ASCC1: variants seen among roughly 807,000 people sequenced by gnomAD.
ASCC1 encodes the protein activating signal cointegrator 1 complex subunit 1.
Under a neutral mutation model 46.6 loss-of-function variants are expected in ASCC1, and 35 were observed. The ratio of observed to expected loss-of-function variants is 0.75; its 90% CI spans 0.57 to 0.99. The LOEUF (loss-of-function observed/expected upper bound fraction) is 0.99, where lower values mean the gene tolerates loss of function less well. Ranked by LOEUF, ASCC1 falls within the 50% of genes least tolerant of loss-of-function variation. The probability of loss-of-function intolerance (pLI) is 0.00; values close to 1 mark genes in which losing one functional copy is unlikely to be tolerated. For synonymous variants in ASCC1, 143 were observed against 146.6 expected, an observed-to-expected ratio of 0.98 and a Z score of 0.18; for missense variants, 376 against 428.7, an observed-to-expected ratio of 0.88 and a Z score of 1.09.
rs117447124 is a variant in ASCC1 at position 72,142,222 on chromosome 10, C to T, written c.747-9041G>A. 6.0e-3 allele frequency among the ~76,000 whole-genome samples: 919 copies of T among 152,118 alleles called. 4 individuals carry two copies. The highest frequency in any genetic ancestry group is 9.9e-3 in the Non-Finnish European group (670 of 67,984). ...ACTTAGCTATTATTTTTTAATTTGA[C>T]CCATTTAGTAGGATATTATTAGATT... On this transcript the variant is annotated intron_variant, in intron 7 of 9. Transcript: ENST00000672957.
chr10:72,145,557 CT>C (rs1847528268), intron 7 of ASCC1, among the ~76,000 whole-genome samples: 1 of 152,204 alleles, frequency 6.6e-6, no homozygotes, highest in Admixed American at 6.5e-5. Flanking sequence ...AGAAGCTTTC[CT>C]TGAGGCTTTT....
At chr10:72,171,312 T>C (rs182875879) in intron 5 of ASCC1, among the ~76,000 whole-genome samples, 18 of 152,266 alleles carry the variant, frequency 1.2e-4, no homozygotes, top group Middle Eastern at 3.4e-3. Context: ...GGCAAATCAC[T>C]TCCTTGAGCT....
intron 9 of ASCC1, among the ~76,000 whole-genome samples, chr10:72,125,944 A>C (rs1317345986): frequency 6.6e-6 from 1 of 152,176 alleles, no homozygotes; most frequent in Non-Finnish European, 1.5e-5. Flanking sequence ...TATAGTCAAT[A>C]AGTATTTCTG....
chr10:72,140,028 T>C (rs978885298), intron 7 of ASCC1, among the ~76,000 whole-genome samples: 11 of 152,184 alleles, frequency 7.2e-5, no homozygotes, highest in African/African-American at 1.9e-4. Flanking sequence ...CCAGTATAGG[T>C]TGCAAGGAGG....
In ASCC1 at chr10:72,152,968, G is replaced by A. The variant is rs752805913; in HGVS notation, c.647C>T (p.Pro216Leu). 35 of 1,613,884 alleles carry A rather than the reference G, an allele frequency of 2.2e-5. No individual in the cohort carries two copies. Among genetic ancestry groups the A allele is most frequent in the Non-Finnish European group, 2.8e-5 (33 of 1,179,986 alleles). ...TATCCCTGCCATCTCCACTTCTAGGGGTTTACCCCCAGAAATATCACTGCA... is the reference window on the plus strand; with the variant it reads ...TATCCCTGCCATCTCCACTTCTAGGAGTTTACCCCCAGAAATATCACTGCA... ...EFINDISGGKPLEVEMAGIEY... is the reference protein window; with the variant it reads ...EFINDISGGKLLEVEMAGIEY... Residue 216 changes from proline (P) to leucine (L), a missense_variant, in exon 7 of 10, where the codon CCC becomes CTC. Coordinates refer to ENST00000672957, the MANE Select transcript of ASCC1 (RefSeq NM_001198800.3).
intron 9 of ASCC1, among the ~76,000 whole-genome samples, chr10:72,105,621 A>C (rs1009388155): frequency 6.6e-6 from 1 of 152,214 alleles, no homozygotes; most frequent in Non-Finnish European, 1.5e-5. Context: ...ATGGCAAGAT[A>C]AAATCCAACC....
At chr10:72,197,708 C>T (rs1347581222) in intron 4 of ASCC1, among the ~76,000 whole-genome samples, 2 of 151,600 alleles carry the variant, frequency 1.3e-5, no homozygotes, top group Non-Finnish European at 2.9e-5. Flanking sequence ...GAGTTCAAGA[C>T]CAGCCTGGCC....
intron 8 of ASCC1, among the ~76,000 whole-genome samples, chr10:72,129,649 T>C (rs916065776): frequency 2.0e-5 from 3 of 146,872 alleles, no homozygotes; most frequent in Non-Finnish European, 3.0e-5. Context: ...CTACTAAAAA[T>C]GCAAAAATTA....
chr10:72,215,996 C>A (rs1859179672), intron 1 of ASCC1: 1 of 152,344 alleles, frequency 6.6e-6, no homozygotes, highest in Non-Finnish European at 1.5e-5. Flanking sequence ...ACGCCCACCA[C>A]GGCACGGGCG....
At chr10:72,155,948 G>A (rs1196599281) in intron 6 of ASCC1, among the ~76,000 whole-genome samples, 1 of 152,244 alleles carries the variant, frequency 6.6e-6, no homozygotes, top group Non-Finnish European at 1.5e-5. Flanking sequence ...TTAAATGGAT[G>A]TTTTAAGGGG....
At chr10:72,162,558 C>T (rs111844577) in intron 5 of ASCC1, among the ~76,000 whole-genome samples, 7,615 of 152,210 alleles carry the variant, frequency 0.05, 664 homozygotes, top group African/African-American at 0.17. Flanking sequence ...TAACCTCAAA[C>T]TCCTGGGCTC....
At chr10:72,144,123 C>A (rs542745924) in intron 7 of ASCC1, among the ~76,000 whole-genome samples, 2 of 151,878 alleles carry the variant, frequency 1.3e-5, no homozygotes, top group Non-Finnish European at 1.5e-5. Flanking sequence ...ATTACAGGGA[C>A]CTGCCACCAC....
At chr10:72,184,550 A>G (rs1215501701) in intron 5 of ASCC1, among the ~76,000 whole-genome samples, 1 of 152,186 alleles carries the variant, frequency 6.6e-6, no homozygotes, top group African/African-American at 2.4e-5. Flanking sequence ...AACAAGGAAC[A>G]TTATCAGGAA....
intron 8 of ASCC1, among the ~76,000 whole-genome samples, chr10:72,131,937 C>T (rs546827692): frequency 6.9e-6 from 1 of 144,434 alleles, no homozygotes; most frequent in African/African-American, 2.6e-5. Context: ...AGTGCGATCT[C>T]GGCACACTGT....
chr10:72,136,941 G>A (rs1030829805), intron 7 of ASCC1, among the ~76,000 whole-genome samples: 1 of 151,738 alleles, frequency 6.6e-6, no homozygotes, highest in Non-Finnish European at 1.5e-5. Flanking sequence ...AACATCTGAA[G>A]GAACAAACTC....
intron 9 of ASCC1, among the ~76,000 whole-genome samples, chr10:72,110,470 C>A (rs1222394524): frequency 2.0e-5 from 3 of 152,202 alleles, no homozygotes; most frequent in African/African-American, 7.2e-5. Context: ...AACTTCTCCA[C>A]CAACAAGGCA....
At chr10:72,171,847 C>A (rs1162603028) in intron 5 of ASCC1, among the ~76,000 whole-genome samples, 2 of 152,198 alleles carry the variant, frequency 1.3e-5, no homozygotes, top group Non-Finnish European at 2.9e-5. Context: ...CATTGTTCTG[C>A]CTGTCACATG....
rs189813163 is a variant in ASCC1, at chr10:72,191,814, T to C, written c.489+4997A>G. Among the ~76,000 whole-genome samples the C allele has an allele frequency of 4.5e-3, 676 of 151,812 alleles. 7 individuals are homozygous for C. The highest frequency in any genetic ancestry group is 0.015 in the African/African-American group (611 of 41,398). ...GGTGCCCGCCACCATGCCCAGCTAA[T>C]TTTTTGTATTTTTAGTAGAGACGGG... is the stretch of plus-strand genomic sequence containing the variant. On this transcript the variant is annotated intron_variant, in intron 5 of 9. Coordinates refer to ENST00000672957, the MANE Select transcript of ASCC1 (RefSeq NM_001198800.3).
intron 9 of ASCC1, among the ~76,000 whole-genome samples, chr10:72,123,574 G>A (rs1844485860): frequency 6.6e-6 from 1 of 151,998 alleles, no homozygotes; most frequent in Non-Finnish European, 1.5e-5. Context: ...CAATTTTGCT[G>A]TGAACCTGAA....
Sources: gnomAD v4.1 joint callset for allele counts (sites outside exome capture counted in the v4.1 genomes callset) on GRCh38, gnomAD v4.1.1 for gene constraint, MANE v1.5 for transcripts, NCBI Gene and HGNC (gene_info 2026-07-23, HGNC 2026-07-21) for gene names.